The following SOX6 variants were observed in gnomAD, a reference collection of about 807,000 sequenced individuals.
SOX6 encodes SRY-box transcription factor 6, also known as transcription factor SOX-6.
Under a neutral mutation model 97.8 loss-of-function variants are expected in SOX6, and 11 were observed. That is an observed-to-expected ratio of 0.11 (90% CI 0.07 to 0.19). The LOEUF is 0.19. Ranked by LOEUF, SOX6 falls within the 10% of genes least tolerant of loss-of-function variation. The probability of loss-of-function intolerance (pLI) is 1.00; values close to 1 mark genes in which losing one functional copy is unlikely to be tolerated. For synonymous variants in SOX6, 360 were observed against 371.4 expected, an observed-to-expected ratio of 0.97 and a Z score of 0.35; for missense variants, 810 against 1,039.5, an observed-to-expected ratio of 0.78 and a Z score of 3.04.
chr11:16,444,031 A>AG (rs1859564631), intron 1 of SOX6, among the ~76,000 whole-genome samples: 1 of 148,256 alleles, frequency 6.7e-6, no homozygotes, highest in Non-Finnish European at 1.5e-5. Flanking sequence ...AAAAAAAAAA[A>AG]TTGCCCCGAC....
chr11:16,464,742 T>C (rs1370063806), intron 1 of SOX6, among the ~76,000 whole-genome samples: 2 of 152,196 alleles, frequency 1.3e-5, no homozygotes, highest in Non-Finnish European at 2.9e-5. Context: ...ATGATTATTT[T>C]CATACACATC....
At chr11:16,572,876 A>T (rs1163246326) in intron 4 of SOX6, among the ~76,000 whole-genome samples, 1 of 152,184 alleles carries the variant, frequency 6.6e-6, no homozygotes, top group Non-Finnish European at 1.5e-5. Context: ...AAGGTAATAG[A>T]ATTTGGCTTA....
intron 3 of SOX6, among the ~76,000 whole-genome samples, chr11:16,711,137 G>A (rs1421884591): frequency 6.6e-6 from 1 of 152,130 alleles, no homozygotes; most frequent in Non-Finnish European, 1.5e-5. Context: ...CTATGCAACA[G>A]CTTCACTTCT....
intron 4 of SOX6, among the ~76,000 whole-genome samples, chr11:16,198,916 G>A (rs556278561): frequency 1.3e-3 from 202 of 152,222 alleles, no homozygotes; most frequent in African/African-American, 4.7e-3. Flanking sequence ...TGGAGAGGAA[G>A]AACAAATGAT....
At chr11:16,488,823 C>T (rs768681107) in intron 4 of SOX6, among the ~76,000 whole-genome samples, 1 of 152,100 alleles carries the variant, frequency 6.6e-6, no homozygotes. Context: ...ACTTTAAAGT[C>T]CAGACAAGAT....
intron 3 of SOX6, among the ~76,000 whole-genome samples, chr11:16,666,642 T>TA (rs1377186366): frequency 6.6e-6 from 1 of 151,922 alleles, no homozygotes; most frequent in Non-Finnish European, 1.5e-5. Flanking sequence ...CCGTCTCTAC[T>TA]AAAAACACAA....
chr11:16,050,324 TATAA>T (rs1169668563), intron 10 of SOX6, among the ~76,000 whole-genome samples: 1 of 152,224 alleles, frequency 6.6e-6, no homozygotes, highest in African/African-American at 2.4e-5. Flanking sequence ...TTCTTGTAGC[TATAA>T]ATAGTCTCTG....
intron 9 of SOX6, among the ~76,000 whole-genome samples, chr11:16,068,133 G>T (rs1419646435): frequency 6.6e-6 from 1 of 152,030 alleles, no homozygotes; most frequent in Non-Finnish European, 1.5e-5. Flanking sequence ...TCCTTAAGGA[G>T]ATGTCATCAT....
chr11:15,971,588 G>C lies in SOX6; in HGVS notation c.*1221C>G. 6.5e-6 allele frequency: 1 copy of C among 152,700 alleles called. No homozygotes were observed. 9.5% of individuals were successfully genotyped at this position (152,700 alleles called of 1,614,324 possible). A position where few individuals can be genotyped will look rare whatever the true frequency, so the allele number is the denominator to read the frequency against. ...GAACCTCAGGGGCATACCTGTTTAA[G>C]TGTAAGACTATATACCTATATCCCA... On this transcript the variant is annotated 3_prime_UTR_variant, in exon 16 of 16. Coordinates refer to ENST00000683767, the MANE Select transcript of SOX6 (RefSeq NM_001367873.1).
At chr11:16,107,539 A>G (rs1046008986) in intron 7 of SOX6, among the ~76,000 whole-genome samples, 1 of 151,246 alleles carries the variant, frequency 6.6e-6, no homozygotes, top group Non-Finnish European at 1.5e-5. Flanking sequence ...TAGACATAGA[A>G]GGATAAATAT....
intron 6 of SOX6, among the ~76,000 whole-genome samples, chr11:16,182,094 A>G (rs186190485): frequency 2.6e-5 from 4 of 151,944 alleles, no homozygotes; most frequent in Admixed American, 2.6e-4. Context: ...ACAATCATAT[A>G]TAAGTAATAC....
intron 4 of SOX6, among the ~76,000 whole-genome samples, chr11:16,189,782 T>C (rs564396504): frequency 6.6e-6 from 1 of 152,282 alleles, no homozygotes; most frequent in Non-Finnish European, 1.5e-5. Flanking sequence ...TGTATCATAA[T>C]ACCTGTCTAT....
rs572193670 is a variant in SOX6, at chr11:16,356,115, T to C, written c.-26A>G. Among the ~76,000 whole-genome samples the C allele has an allele frequency of 1.2e-4, 18 of 151,886 alleles. No homozygotes were observed. The South Asian group carries it at 3.5e-3, about 30-fold the overall frequency. On this transcript the variant is annotated 5_prime_UTR_variant, in exon 1 of 16. Transcript: ENST00000683767. ...TCACATGAAGTGGCTGCTCTTCCACTCTTCAATCCGGCTTTCTCTTACCAC... is the reference window on the plus strand; with the variant it reads ...TCACATGAAGTGGCTGCTCTTCCACCCTTCAATCCGGCTTTCTCTTACCAC...
At chr11:16,118,336 T>C (rs568638057) in intron 6 of SOX6, among the ~76,000 whole-genome samples, 5 of 152,380 alleles carry the variant, frequency 3.3e-5, no homozygotes, top group African/African-American at 1.2e-4. Flanking sequence ...TCAAATAGGC[T>C]ACATGCCCAG....
rs1554934078 is a variant in SOX6, at chr11:16,132,501, A to AAGCAAGCAAGCAAGC, written c.778-20579_778-20578insGCTTGCTTGCTTGCT. 2.7e-3 allele frequency among the ~76,000 whole-genome samples: 219 copies of AAGCAAGCAAGCAAGC among 81,168 alleles called. 15 individuals are homozygous for AAGCAAGCAAGCAAGC. Among genetic ancestry groups the AAGCAAGCAAGCAAGC allele is most frequent in the Non-Finnish European group, 5.0e-3 (168 of 33,388 alleles). 53.2% of individuals were successfully genotyped at this position (81,168 alleles called of 152,430 possible). On this transcript the variant is annotated intron_variant, in intron 6 of 15. Coordinates refer to ENST00000683767, the MANE Select transcript of SOX6 (RefSeq NM_001367873.1). ...GAAAGAAAGAAAGAAAGAAAGAAAG[A>AAGCAAGCAAGCAAGC]AAGAAAGCTTATCTTTGTATCTAGG...
At chr11:16,055,144 A>G (rs1305978152) in intron 10 of SOX6, among the ~76,000 whole-genome samples, 2 of 152,176 alleles carry the variant, frequency 1.3e-5, no homozygotes, top group Non-Finnish European at 2.9e-5. Context: ...TGGATCAGGT[A>G]TCATGTTAAG....
chr11:16,711,417 G>C (rs905159941), intron 3 of SOX6, among the ~76,000 whole-genome samples: 2 of 107,822 alleles, frequency 1.9e-5, no homozygotes, highest in African/African-American at 5.4e-5. Context: ...CCAGCTACTG[G>C]GGGGTGGAGA....
At chr11:16,442,305 C>T (rs1859518139) in intron 1 of SOX6, among the ~76,000 whole-genome samples, 1 of 152,112 alleles carries the variant, frequency 6.6e-6, no homozygotes. Context: ...TCTGGAGACT[C>T]TGAGGTGTTT....
chr11:16,544,971 C>T (rs1847600134), intron 4 of SOX6, among the ~76,000 whole-genome samples: 1 of 152,108 alleles, frequency 6.6e-6, no homozygotes, highest in African/African-American at 2.4e-5. Context: ...CATCTTTAAT[C>T]TCAGCCTTTA....
Sources: gnomAD v4.1 joint callset for allele counts (sites outside exome capture counted in the v4.1 genomes callset) on GRCh38, gnomAD v4.1.1 for gene constraint, MANE v1.5 for transcripts, NCBI Gene and HGNC (gene_info 2026-07-23, HGNC 2026-07-21) for gene names.